Variants in KRAS observed in about 807,000 individuals in gnomAD.
KRAS encodes the protein KRas proto-oncogene, GTPase, also known as GTPase KRas.
A neutral mutation model predicts 21.0 loss-of-function variants in KRAS; 1 was observed. The ratio of observed to expected loss-of-function variants is 0.05; its 90% CI spans 0.02 to 0.23. KRAS has a LOEUF of 0.23. Among genes scored for constraint, KRAS ranks in the 10% least tolerant of loss-of-function variants. The probability of loss-of-function intolerance (pLI) is 1.00; values close to 1 mark genes in which losing one functional copy is unlikely to be tolerated. For synonymous variants in KRAS, 67 were observed against 72.5 expected, an observed-to-expected ratio of 0.92 and a Z score of 0.39; for missense variants, 107 against 221.8, an observed-to-expected ratio of 0.48 and a Z score of 3.29.
At chr12:25,216,844 A>G (rs1565881071) in intron 4 of KRAS, among the ~76,000 whole-genome samples, 1 of 152,250 alleles carries the variant, frequency 6.6e-6, no homozygotes. Context: ...AAGTAGGGGC[A>G]CAGAGAAATA....
chr12:25,220,613 G>C lies in KRAS; in HGVS notation c.450+5001C>G, dbSNP rs796131994. 3.9e-5 allele frequency among the ~76,000 whole-genome samples: 6 copies of C among 152,146 alleles called. No individual in the cohort carries two copies. The South Asian group carries it at 8.3e-4, about 21-fold the overall frequency. ...GTGGTGGTGTGCACCCATAGTCCCA[G>C]CTACTCAGGAGGCTGAGGCAGGAAA... On this transcript the variant is annotated intron_variant, in intron 4 of 4. Transcript: ENST00000311936.
chr12:25,215,281 TA>T (rs1437161697), intron 4 of KRAS: 10 of 788,520 alleles, frequency 1.3e-5, no homozygotes, highest in Non-Finnish European at 1.4e-5. Flanking sequence ...CCCACTAGAT[TA>T]AAAATAAATG....
At chr12:25,215,304 G>T in intron 4 of KRAS, 2 of 1,361,004 alleles carry the variant, frequency 1.5e-6, no homozygotes, top group Non-Finnish European at 9.9e-7. Context: ...ACTAATTATG[G>T]AAACAAGTTT....
At chr12:25,213,149 G>A (rs895789069) in intron 4 of KRAS, among the ~76,000 whole-genome samples, 9 of 151,730 alleles carry the variant, frequency 5.9e-5, no homozygotes, top group Admixed American at 2.0e-4. Context: ...TTACTTCCAC[G>A]TGTACTGAAA....
rs754969981 is a variant in KRAS, at chr12:25,243,340, G to A, written c.111+1934C>T. Reference sequence around the variant, plus strand: ...ACCTTTTCCCAGGTGACTAAACTACGTCAGGGACCGTCAGTTTCAAAGTTC... The same window carrying A: ...ACCTTTTCCCAGGTGACTAAACTACATCAGGGACCGTCAGTTTCAAAGTTC... On this transcript the variant is annotated intron_variant, in intron 2 of 4. Transcript: ENST00000311936. Among the ~76,000 whole-genome samples, 5 of 152,198 alleles carry A rather than the reference G, an allele frequency of 3.3e-5. No individual in the cohort carries two copies. The East Asian group carries it at 5.8e-4, about 18-fold the overall frequency.
intron 4 of KRAS, chr12:25,215,620 G>C: frequency 7.2e-7 from 1 of 1,397,436 alleles, no homozygotes; most frequent in African/African-American, 1.4e-5. Context: ...AATTTACTGG[G>C]AAAGCCATGT....
At chr12:25,215,070 C>CTCATATCTTTT (rs1951238669) in intron 4 of KRAS, 1 of 233,504 alleles carries the variant, frequency 4.3e-6, no homozygotes, top group Non-Finnish European at 6.4e-6. Flanking sequence ...TCTACTATAG[C>CTCATATCTTTT]TCATATCTTT....
chr12:25,214,248 T>C (rs1951229740), intron 4 of KRAS, among the ~76,000 whole-genome samples: 1 of 152,142 alleles, frequency 6.6e-6, no homozygotes, highest in African/African-American at 2.4e-5. Flanking sequence ...ATGGTATTTA[T>C]TTATAGAAGA....
In KRAS at chr12:25,209,562, T is replaced by C. The variant is rs1951181180; in HGVS notation, c.*233A>G. ...AGACAGAAATCTTAGGTATTCAGTTTCTTTTTCACAGGCATTGCTAGTTCA... is the reference window on the plus strand; with the variant it reads ...AGACAGAAATCTTAGGTATTCAGTTCCTTTTTCACAGGCATTGCTAGTTCA... On this transcript the variant is annotated 3_prime_UTR_variant, in exon 5 of 5. Coordinates refer to ENST00000311936, the MANE Select transcript of KRAS (RefSeq NM_004985.5). 7.5e-7 allele frequency: 1 copy of C among 1,332,060 alleles called. No individual in the cohort carries two copies. The highest frequency in any genetic ancestry group is 3.6e-5 in the Admixed American group (1 of 27,488). The allele number at this position is 1,332,060 out of a possible 1,614,324, so 82.5% of individuals were successfully genotyped here. A position where few individuals can be genotyped will look rare whatever the true frequency, so the allele number is the denominator to read the frequency against.
intron 1 of KRAS, among the ~76,000 whole-genome samples, chr12:25,246,494 G>A (rs1281147827): frequency 6.6e-6 from 1 of 151,850 alleles, no homozygotes; most frequent in African/African-American, 2.4e-5. Context: ...GGAGGCAGAG[G>A]TTGCAGTGAG....
At chr12:25,233,666 G>A (rs894494371) in intron 2 of KRAS, among the ~76,000 whole-genome samples, 9 of 152,126 alleles carry the variant, frequency 5.9e-5, no homozygotes, top group Non-Finnish European at 1.0e-4. Context: ...GTATTTACTT[G>A]TGAAATTGTT....
At chr12:25,245,151 A>G (rs1951661784) in intron 2 of KRAS, 123 bp downstream of exon 2, 6 of 1,074,356 alleles carry the variant, frequency 5.6e-6, no homozygotes, top group Admixed American at 2.0e-5. Flanking sequence ...GGTACATTTC[A>G]GATAACTTAA....
chr12:25,225,280 T>C (rs558013552), intron 4 of KRAS: 2 of 117,644 alleles, frequency 1.7e-5, no homozygotes, highest in Non-Finnish European at 3.5e-5. Context: ...TTTGTTGCCC[T>C]GTTCTTTATA....
chr12:25,225,885 A>C (rs528563807), intron 3 of KRAS, 112 bp from the exon 4 acceptor site: 12 of 941,228 alleles, frequency 1.3e-5, no homozygotes, highest in Middle Eastern at 3.1e-4. Flanking sequence ...TGTAATTCCT[A>C]GTTTCCACTA....
At chr12:25,231,239 C>A (rs1951465696) in intron 2 of KRAS, among the ~76,000 whole-genome samples, 1 of 151,778 alleles carries the variant, frequency 6.6e-6, no homozygotes, top group South Asian at 2.1e-4. Context: ...GTAGCTGGGA[C>A]TACTGGCACG....
intron 1 of KRAS, among the ~76,000 whole-genome samples, chr12:25,249,130 A>T (rs1168960002): frequency 6.6e-6 from 1 of 151,522 alleles, no homozygotes; most frequent in African/African-American, 2.4e-5. Context: ...CTTAGACTTC[A>T]GCTATAAGAT....
At chr12:25,241,270 G>A (rs1283030872) in intron 2 of KRAS, among the ~76,000 whole-genome samples, 4 of 152,214 alleles carry the variant, frequency 2.6e-5, no homozygotes, top group South Asian at 2.1e-4. Context: ...TAAATAAAAC[G>A]AATATATTTA....
In KRAS at chr12:25,245,295, G is replaced by A. The variant is rs113623140; in HGVS notation, c.90C>T (p.Asp30=). The A allele has an allele frequency of 1.2e-4, 192 of 1,610,502 alleles. 1 individual carries two copies. The highest frequency in any genetic ancestry group is 6.6e-4 in the Middle Eastern group (4 of 6,056). The stretch of plus-strand genomic sequence containing the variant: ...TTACCTCTATTGTTGGATCATATTC[G>A]TCCACAAAATGATTCTGAATTAGCT... ...TIQLIQNHFV[D]EYDPTIEDSY... The change falls in exon 2 of 5, where the codon GAC becomes GAT. Residue 30 remains aspartate (D), a synonymous_variant. Coordinates refer to ENST00000311936, the MANE Select transcript of KRAS (RefSeq NM_004985.5).
intron 4 of KRAS, 138 bp downstream of exon 4, chr12:25,225,476 C>T (rs1951380800): frequency 1.1e-6 from 1 of 904,582 alleles, no homozygotes; most frequent in African/African-American, 1.7e-5. Context: ...GCAATGCCCT[C>T]TCAAGAGACA....
Sources: allele counts gnomAD v4.1 joint callset (sites outside exome capture counted in the v4.1 genomes callset), GRCh38; gene constraint gnomAD v4.1.1; transcripts MANE v1.5; gene names NCBI Gene and HGNC (gene_info 2026-07-23, HGNC 2026-07-21).